The following FLI1 variants were observed in gnomAD, a reference collection of about 807,000 sequenced individuals.
The protein encoded by FLI1 is Friend leukemia integration 1 transcription factor.
A neutral mutation model predicts 53.1 loss-of-function variants in FLI1; 13 were observed. That is an observed-to-expected ratio of 0.24 (90% confidence interval 0.16 to 0.39). The LOEUF (loss-of-function observed/expected upper bound fraction) is 0.39. Ranked by LOEUF, FLI1 falls within the 10% of genes least tolerant of loss-of-function variation. The pLI, the probability that FLI1 is intolerant of heterozygous loss-of-function variation, is 1.00. For synonymous variants in FLI1, 244 were observed against 236.7 expected, an observed-to-expected ratio of 1.03 and a Z score of -0.28; for missense variants, 424 against 600.5, an observed-to-expected ratio of 0.71 and a Z score of 3.07.
intron 5 of FLI1, among the ~76,000 whole-genome samples, chr11:128,794,972 A>G (rs1942387262): frequency 6.6e-6 from 1 of 152,190 alleles, no homozygotes; most frequent in Non-Finnish European, 1.5e-5. Flanking sequence ...ACTATTTGGG[A>G]GGCTTAGGCA....
At chr11:128,742,164 C>A (rs1195830338) in intron 1 of FLI1, among the ~76,000 whole-genome samples, 2 of 152,172 alleles carry the variant, frequency 1.3e-5, no homozygotes, top group Non-Finnish European at 2.9e-5. Flanking sequence ...CCATAATAAT[C>A]TGCGTTTCAC....
chr11:128,787,357 C>A (rs905799982), intron 5 of FLI1, among the ~76,000 whole-genome samples: 1 of 152,170 alleles, frequency 6.6e-6, no homozygotes, highest in Admixed American at 6.5e-5. Context: ...CCTTAGAAGG[C>A]ACCCAGGTCA....
At chr11:128,799,521 A>G (rs930584713) in intron 5 of FLI1, among the ~76,000 whole-genome samples, 1 of 152,230 alleles carries the variant, frequency 6.6e-6, no homozygotes, top group African/African-American at 2.4e-5. Context: ...GCAGCTGAGC[A>G]ACATGACCAA....
rs374459474 is a variant in FLI1, at chr11:128,810,697, T to C, written c.1068T>C (p.Tyr356=). Reference sequence around the variant, plus strand: ...TGACCAAAGTGCACGGCAAAAGATATGCTTACAAATTTGACTTCCACGGCA... The same window carrying C: ...TGACCAAAGTGCACGGCAAAAGATACGCTTACAAATTTGACTTCCACGGCA... ...NIMTKVHGKR[Y]AYKFDFHGIA... Residue 356 remains tyrosine, a synonymous_variant, in exon 9 of 9, where the codon TAT becomes TAC. Transcript: ENST00000527786. This position sits in a 1 kb window ranked among gnomAD's most constrained non-coding sequence, Gnocchi z 6.6. The C allele has an allele frequency of 6.2e-7, 1 of 1,614,048 alleles. No individual in the cohort carries two copies. Among genetic ancestry groups the C allele is most frequent in the Non-Finnish European group, 8.5e-7 (1 of 1,179,904 alleles).
intron 5 of FLI1, among the ~76,000 whole-genome samples, chr11:128,793,173 T>G (rs1942329254): frequency 6.6e-6 from 1 of 151,972 alleles, no homozygotes; most frequent in African/African-American, 2.4e-5. Flanking sequence ...TTTAATAAAT[T>G]TATTATTTGA....
chr11:128,757,771 C>T (rs1019230833), intron 1 of FLI1, among the ~76,000 whole-genome samples: 7 of 152,186 alleles, frequency 4.6e-5, no homozygotes, highest in African/African-American at 1.7e-4. Context: ...ATTCACACAC[C>T]ACCACAATAC....
intron 1 of FLI1, among the ~76,000 whole-genome samples, chr11:128,736,280 G>C (rs964343338): frequency 6.6e-6 from 1 of 151,610 alleles, no homozygotes; most frequent in African/African-American, 2.4e-5. Context: ...AAGAACACCT[G>C]ATAATAATTC....
At chr11:128,762,051 T>C (rs573571929) in intron 2 of FLI1, among the ~76,000 whole-genome samples, 1 of 152,316 alleles carries the variant, frequency 6.6e-6, no homozygotes, top group East Asian at 1.9e-4. Flanking sequence ...TAAGCTGGAC[T>C]AGTGGCTAGC....
Position 128,807,256 on chromosome 11 carries a change from T to C in FLI1, c.781+17T>C. The C allele has an allele frequency of 6.3e-7, 1 of 1,585,084 alleles. No homozygotes were observed. The highest frequency in any genetic ancestry group is 8.6e-7 in the Non-Finnish European group (1 of 1,162,696). ...CCCAGCCAGGTACCTGCCCAGGATATGTAATCTCTCCTTTGCTTCCTGCAC... is the reference window on the plus strand; with the variant it reads ...CCCAGCCAGGTACCTGCCCAGGATACGTAATCTCTCCTTTGCTTCCTGCAC... On this transcript the variant is annotated intron_variant, in intron 7 of 8. Transcript: ENST00000527786.
At chr11:128,714,710 C>CTTTT (rs11381734) in intron 1 of FLI1, among the ~76,000 whole-genome samples, 12 of 121,636 alleles carry the variant, frequency 9.9e-5, no homozygotes, top group Admixed American at 1.8e-4. Context: ...CTTGAAGGAC[C>CTTTT]TTTTTTTTTT....
At chr11:128,717,350 A>G (rs191380244) in intron 1 of FLI1, among the ~76,000 whole-genome samples, 18 of 152,308 alleles carry the variant, frequency 1.2e-4, no homozygotes, top group Non-Finnish European at 2.1e-4. Flanking sequence ...TGGTTTTGCT[A>G]TCGTGTGACA....
intron 5 of FLI1, among the ~76,000 whole-genome samples, chr11:128,784,948 T>C (rs769070910): frequency 6.6e-6 from 1 of 152,212 alleles, no homozygotes; most frequent in Non-Finnish European, 1.5e-5. Flanking sequence ...AGCAAGGAAG[T>C]TGAGGAGATG....
At chr11:128,734,329 A>G (rs1044851047) in intron 1 of FLI1, among the ~76,000 whole-genome samples, 1 of 152,216 alleles carries the variant, frequency 6.6e-6, no homozygotes, top group African/African-American at 2.4e-5. Flanking sequence ...GCTAAGCAGG[A>G]TCGAGCTGAG....
At chr11:128,731,801 G>A (rs1235587650) in intron 1 of FLI1, among the ~76,000 whole-genome samples, 6 of 152,098 alleles carry the variant, frequency 3.9e-5, no homozygotes, top group South Asian at 2.1e-4. Flanking sequence ...TCAGGAGTTC[G>A]AGATCAGCCT....
chr11:128,812,781 A>C lies in FLI1; in HGVS notation c.*1793A>C, dbSNP rs1192414366. 10 of 214,540 alleles carry C rather than the reference A, an allele frequency of 4.7e-5. No homozygotes were observed. The East Asian group carries it at 7.0e-4, about 15-fold the overall frequency. 13.3% of individuals were successfully genotyped at this position (214,540 alleles called of 1,614,324 possible). A position where few individuals can be genotyped will look rare whatever the true frequency, so the allele number is the denominator to read the frequency against. ...CCAGACGGCCACCTTCTGCCACTCC[A>C]GCAAAGAATAAGCGCCCTGCTTCCT... On this transcript the variant is annotated 3_prime_UTR_variant, in exon 9 of 9. Coordinates refer to ENST00000527786, the MANE Select transcript of FLI1 (RefSeq NM_002017.5).
intron 4 of FLI1, among the ~76,000 whole-genome samples, chr11:128,778,712 C>T (rs900159075): frequency 1.3e-5 from 2 of 152,224 alleles, no homozygotes; most frequent in African/African-American, 4.8e-5. Flanking sequence ...TTCATCATGG[C>T]CTGTTTACCC....
At chr11:128,699,381 T>A (rs1565455000) in intron 1 of FLI1, among the ~76,000 whole-genome samples, 1 of 152,262 alleles carries the variant, frequency 6.6e-6, no homozygotes. Flanking sequence ...TGTTCTGTAC[T>A]TAAAACATTC....
At chr11:128,719,066 T>C (rs987565702) in intron 1 of FLI1, among the ~76,000 whole-genome samples, 1 of 152,174 alleles carries the variant, frequency 6.6e-6, no homozygotes, top group Admixed American at 6.5e-5. Flanking sequence ...TCATGGTTAT[T>C]CTGGAGGCAG....
At chr11:128,738,987 C>T (rs1364186548) in intron 1 of FLI1, among the ~76,000 whole-genome samples, 1 of 152,162 alleles carries the variant, frequency 6.6e-6, no homozygotes, top group Non-Finnish European at 1.5e-5. Flanking sequence ...TGCATTTTCC[C>T]TTCTGTTTTC....
Sources: allele counts gnomAD v4.1 joint callset (sites outside exome capture counted in the v4.1 genomes callset), GRCh38; gene constraint gnomAD v4.1.1; non-coding constraint Gnocchi (gnomAD v3.1); transcripts MANE v1.5; gene names NCBI Gene and HGNC (gene_info 2026-07-23, HGNC 2026-07-21).